The following EPHA3 variants were observed in gnomAD, a reference collection of about 807,000 sequenced individuals.
EPHA3 encodes ephrin type-A receptor 3.
A neutral mutation model predicts 107.1 loss-of-function variants in EPHA3; 42 were observed. The ratio of observed to expected loss-of-function variants is 0.39; its 90% CI spans 0.31 to 0.51. The LOEUF (loss-of-function observed/expected upper bound fraction) is 0.51. EPHA3 is among the 20% of genes least tolerant of loss of function. The pLI is 0.78. For missense variants in EPHA3, 1,183 were observed against 1,211.2 expected, an observed-to-expected ratio of 0.98 and a Z score of 0.35; for synonymous variants, 461 against 424.8, an observed-to-expected ratio of 1.09 and a Z score of -1.05.
intron 5 of EPHA3, among the ~76,000 whole-genome samples, chr3:89,351,428 G>GGT (rs2107442442): frequency 6.6e-6 from 1 of 150,786 alleles, no homozygotes; most frequent in East Asian, 2.0e-4. Flanking sequence ...GGAACTCCCT[G>GGT]ACCCCTTGCG....
intron 2 of EPHA3, among the ~76,000 whole-genome samples, chr3:89,131,619 C>T (rs1704208900): frequency 6.6e-6 from 1 of 152,078 alleles, no homozygotes; most frequent in South Asian, 2.1e-4. Context: ...AAATCATGAG[C>T]TATGACTCAC....
chr3:89,364,076 C>T (rs556959689), intron 5 of EPHA3, among the ~76,000 whole-genome samples: 1 of 150,676 alleles, frequency 6.6e-6, no homozygotes, highest in South Asian at 2.1e-4. Flanking sequence ...TGGAGATCAC[C>T]TTCTTATGTG....
intron 5 of EPHA3, among the ~76,000 whole-genome samples, chr3:89,379,289 A>C (rs1384188533): frequency 1.3e-5 from 2 of 152,208 alleles, no homozygotes; most frequent in Admixed American, 6.5e-5. Flanking sequence ...AGACAATGCA[A>C]ATTTTACAGC....
At chr3:89,129,758 ATAGAT>A (rs1704164829) in intron 2 of EPHA3, among the ~76,000 whole-genome samples, 1 of 152,070 alleles carries the variant, frequency 6.6e-6, no homozygotes, top group African/African-American at 2.4e-5. Context: ...TATGACAAGG[ATAGAT>A]TAGTTTTGTG....
At chr3:89,253,302 G>A (rs1319407227) in intron 3 of EPHA3, among the ~76,000 whole-genome samples, 2 of 151,820 alleles carry the variant, frequency 1.3e-5, no homozygotes, top group Non-Finnish European at 2.9e-5. Flanking sequence ...GTTTATATTT[G>A]GGAAACTCTT....
chr3:89,351,359 G>C (rs1430153029), intron 5 of EPHA3, among the ~76,000 whole-genome samples: 101 of 151,196 alleles, frequency 6.7e-4, no homozygotes, highest in Non-Finnish European at 3.1e-4. Flanking sequence ...CGCAATATTC[G>C]GGTGGGAGTG....
intron 1 of EPHA3, among the ~76,000 whole-genome samples, chr3:89,113,449 C>A (rs1231917038): frequency 6.2e-5 from 6 of 96,968 alleles, no homozygotes; most frequent in Non-Finnish European, 1.1e-4. Flanking sequence ...TGAAAGTCAG[C>A]AAGTTTTAGT....
intron 7 of EPHA3, among the ~76,000 whole-genome samples, chr3:89,402,329 A>G (rs1323266148): frequency 2.0e-5 from 3 of 152,192 alleles, no homozygotes; most frequent in African/African-American, 7.2e-5. Context: ...GAAGAGGAAA[A>G]AAGGATGGAA....
At chr3:89,408,197 A>C in intron 9 of EPHA3, 66 bp downstream of exon 9, 3 of 1,502,096 alleles carry the variant, frequency 2.0e-6, no homozygotes, top group Middle Eastern at 1.7e-4. Flanking sequence ...ATTGATTTAC[A>C]ATTGGTTAAC....
In EPHA3 at chr3:89,209,935, A is replaced by G. The variant is rs778365543; in HGVS notation, c.229A>G (p.Ser77Gly). 4 of 1,613,896 alleles carry G rather than the reference A, an allele frequency of 2.5e-6. 1 individual carries two copies. The South Asian group carries it at 4.4e-5, about 18-fold the overall frequency. The change falls in exon 3 of 17, where the codon AGT becomes GGT. Residue 77 changes from serine to glycine, a missense_variant. Ser to Gly is a moderately conservative substitution (Grantham distance 56). Coordinates refer to ENST00000336596, the MANE Select transcript of EPHA3 (RefSeq NM_005233.6). ...TYQVCNVMDH[S>G]QNNWLRTNWV... is the part of the protein sequence containing the mutation. The stretch of plus-strand genomic sequence containing the variant: ...CCAGGTGTGCAATGTCATGGACCAC[A>G]GTCAAAACAATTGGCTGAGAACAAA...
intron 5 of EPHA3, among the ~76,000 whole-genome samples, chr3:89,376,982 C>T (rs1576344962): frequency 1.3e-5 from 2 of 152,134 alleles, no homozygotes; most frequent in African/African-American, 2.4e-5. Context: ...TTTTAAGGAA[C>T]GTGTTGGAAA....
intron 5 of EPHA3, among the ~76,000 whole-genome samples, chr3:89,358,669 GTC>G (rs1324909740): frequency 6.6e-6 from 1 of 151,050 alleles, no homozygotes; most frequent in African/African-American, 2.4e-5. Context: ...AAAGAGATTG[GTC>G]TTGAATTCAC....
At chr3:89,255,426 T>C (rs1054617843) in intron 3 of EPHA3, among the ~76,000 whole-genome samples, 1 of 152,220 alleles carries the variant, frequency 6.6e-6, no homozygotes, top group Non-Finnish European at 1.5e-5. Context: ...TGCCTGCCAC[T>C]TGTTTTTGTA....
chr3:89,288,944 T>TA (rs769180175), intron 3 of EPHA3, among the ~76,000 whole-genome samples: 25 of 152,152 alleles, frequency 1.6e-4, no homozygotes, highest in Non-Finnish European at 3.5e-4. Context: ...GATAACAAAA[T>TA]ATCATTTATG....
At chr3:89,171,812 A>G (rs1279095044) in intron 2 of EPHA3, among the ~76,000 whole-genome samples, 2 of 152,208 alleles carry the variant, frequency 1.3e-5, no homozygotes, top group Non-Finnish European at 2.9e-5. Flanking sequence ...CCTTTGAATC[A>G]GGAACCACCT....
In EPHA3 at chr3:89,341,993, T is replaced by C; in HGVS notation, c.1209T>C (p.Thr403=). 6 of 1,613,308 alleles carry C rather than the reference T, an allele frequency of 3.7e-6. No homozygotes were observed. Among genetic ancestry groups the C allele is most frequent in the Non-Finnish European group, 5.1e-6 (6 of 1,179,914 alleles). Residue 403 remains threonine (T), a synonymous_variant, in exon 5 of 17, where the codon ACT becomes ACC. Transcript: ENST00000336596. The part of the protein sequence containing the change: ...TVTVTDLLAH[T]NYTFEIDAVN... ...CAGTGACAGACCTTCTGGCACATAC[T>C]AACTACACCTTTGAGATTGATGCCG...
chr3:89,302,197 A>T (rs1436008596), intron 3 of EPHA3, among the ~76,000 whole-genome samples: 3 of 152,164 alleles, frequency 2.0e-5, no homozygotes, highest in Admixed American at 1.3e-4. Flanking sequence ...TCATTGAAAT[A>T]GCAACCTCCT....
intron 16 of EPHA3, among the ~76,000 whole-genome samples, chr3:89,476,355 A>G (rs2117137): frequency 0.46 from 67,825 of 147,612 alleles, 16,945 homozygotes; most frequent in African/African-American, 0.64. Flanking sequence ...GTCTCAAATC[A>G]GTCTGTGAAC....
At chr3:89,411,653 C>A (rs1709156142) in intron 9 of EPHA3, among the ~76,000 whole-genome samples, 1 of 151,860 alleles carries the variant, frequency 6.6e-6, no homozygotes, top group African/African-American at 2.4e-5. Context: ...TGCATTATAA[C>A]CATGGGTTTC....
Sources: allele counts gnomAD v4.1 joint callset (sites outside exome capture counted in the v4.1 genomes callset), GRCh38; gene constraint gnomAD v4.1.1; transcripts MANE v1.5; gene names NCBI Gene and HGNC (gene_info 2026-07-23, HGNC 2026-07-21).